Variants in DENND4A observed in about 807,000 individuals in gnomAD.
DENND4A encodes the protein C-myc promoter-binding protein.
Under a neutral mutation model 199.3 loss-of-function variants are expected in DENND4A, and 70 were observed. That is an observed-to-expected ratio of 0.35 (90% CI 0.29 to 0.43). DENND4A has a LOEUF of 0.43. Among genes scored for constraint, DENND4A ranks in the 20% least tolerant of loss-of-function variants. DENND4A has a pLI of 1.00. For missense variants in DENND4A, 1,723 were observed against 2,255.8 expected (o/e 0.76, Z 4.78); for synonymous variants, 686 against 766.9 (o/e 0.89, Z 1.74).
chr15:65,675,697 T>C (rs758419249), intron 24 of DENND4A, among the ~76,000 whole-genome samples: 1 of 152,108 alleles, frequency 6.6e-6, no homozygotes, highest in Non-Finnish European at 1.5e-5. Context: ...TGAAATACAT[T>C]CCTCACCTAT....
At chr15:65,676,912 A>G (rs2076399184) in intron 23 of DENND4A, among the ~76,000 whole-genome samples, 1 of 152,330 alleles carries the variant, frequency 6.6e-6, no homozygotes, top group African/African-American at 2.4e-5. Flanking sequence ...CCATTTATTG[A>G]TAATTTTCCT....
chr15:65,729,537 C>T lies in DENND4A; in HGVS notation c.1308G>A (p.Val436=), dbSNP rs775143650. ...AATAAGAAACTGTGATACTCACAGA[C>T]ACTAATGCTTCTGTCACACTAGTAA... ...SVLTSVTEAL[V]SMIFPFHWPC... is the part of the protein sequence containing the mutation. The change falls in exon 10 of 33, where the codon GTG becomes GTA. Residue 436 remains valine, a synonymous_variant. Transcript: ENST00000443035. The T allele has an allele frequency of 5.6e-6, 9 of 1,607,716 alleles. No individual in the cohort carries two copies. Among genetic ancestry groups the T allele is most frequent in the Non-Finnish European group, 5.9e-6 (7 of 1,177,250 alleles).
At chr15:65,668,207 T>TCA in intron 27 of DENND4A, 84 bp from the exon 28 acceptor site, 1 of 857,374 alleles carries the variant, frequency 1.2e-6, no homozygotes, top group Non-Finnish European at 1.7e-6. Context: ...TCTCTCTCTC[T>TCA]CTCTTTTTTT....
intron 5 of DENND4A, among the ~76,000 whole-genome samples, chr15:65,741,461 A>G (rs759177029): frequency 6.6e-6 from 1 of 152,222 alleles, no homozygotes; most frequent in Non-Finnish European, 1.5e-5. Flanking sequence ...GCTGATTTAA[A>G]AACTTAAAGA....
At chr15:65,725,689 T>TA (rs11392836) in intron 11 of DENND4A, among the ~76,000 whole-genome samples, 44,310 of 121,572 alleles carry the variant, frequency 0.36, 9,412 homozygotes, top group African/African-American at 0.63. Flanking sequence ...AAAATAAAAA[T>TA]AAAAAAAATA....
intron 20 of DENND4A, among the ~76,000 whole-genome samples, chr15:65,698,199 T>C (rs1387401394): frequency 6.6e-6 from 1 of 151,964 alleles, no homozygotes; most frequent in East Asian, 1.9e-4. Context: ...AGCTCAGGAG[T>C]TCAAGGCTGC....
intron 24 of DENND4A, among the ~76,000 whole-genome samples, chr15:65,676,151 T>A (rs1402145290): frequency 5.6e-4 from 81 of 144,864 alleles, no homozygotes; most frequent in African/African-American, 1.4e-3. Flanking sequence ...AATATATATA[T>A]ATATATATAT....
intron 31 of DENND4A, 26 bp downstream of exon 31, chr15:65,664,534 T>TCTGC (rs749548954): frequency 3.1e-6 from 5 of 1,600,174 alleles, no homozygotes; most frequent in Non-Finnish European, 3.4e-6. Flanking sequence ...AGGAGAACAA[T>TCTGC]ATATTCGTCT....
intron 14 of DENND4A, among the ~76,000 whole-genome samples, chr15:65,709,742 A>ATATATATATATAT (rs1596490670): frequency 4.3e-5 from 6 of 140,054 alleles, no homozygotes; most frequent in Non-Finnish European, 7.7e-5. Flanking sequence ...ATATATATAT[A>ATATATATATATAT]ATCTCGTGAC....
chr15:65,747,856 C>A (rs1007831825), intron 4 of DENND4A, among the ~76,000 whole-genome samples: 1 of 151,716 alleles, frequency 6.6e-6, no homozygotes, highest in African/African-American at 2.4e-5. Flanking sequence ...GCCTGACCAA[C>A]GTGGTGAAAC....
intron 4 of DENND4A, among the ~76,000 whole-genome samples, chr15:65,744,405 TGA>T (rs968107829): frequency 2.6e-5 from 4 of 152,168 alleles, no homozygotes; most frequent in Non-Finnish European, 5.9e-5. Flanking sequence ...CACACAAACT[TGA>T]GAGAGGTCAC....
intron 20 of DENND4A, among the ~76,000 whole-genome samples, chr15:65,699,187 C>T (rs778254795): frequency 5.3e-5 from 8 of 152,120 alleles, no homozygotes; most frequent in Non-Finnish European, 1.0e-4. Flanking sequence ...ATGAATATTA[C>T]ATTTCAACAA....
At chr15:65,691,808 A>G (rs1370966771) in intron 22 of DENND4A, among the ~76,000 whole-genome samples, 1 of 152,116 alleles carries the variant, frequency 6.6e-6, no homozygotes, top group Non-Finnish European at 1.5e-5. Context: ...TATAAAGGGT[A>G]TGCTCCTAGA....
At chr15:65,709,993 G>A (rs746654737) in intron 14 of DENND4A, among the ~76,000 whole-genome samples, 7 of 151,422 alleles carry the variant, frequency 4.6e-5, no homozygotes, top group African/African-American at 1.2e-4. Flanking sequence ...TTTCTTTTTC[G>A]AGACTTCTCA....
chr15:65,765,972 C>T (rs188915027), intron 1 of DENND4A, among the ~76,000 whole-genome samples: 74 of 152,188 alleles, frequency 4.9e-4, no homozygotes, highest in African/African-American at 1.6e-3. Context: ...ATGCAGAAGC[C>T]GGGCGCGGTG....
At chr15:65,713,816 TG>T in intron 14 of DENND4A, among the ~76,000 whole-genome samples, 1 of 152,234 alleles carries the variant, frequency 6.6e-6, no homozygotes, top group Non-Finnish European at 1.5e-5. Flanking sequence ...AACCTGGGGC[TG>T]GCCATTTCTC....
rs2077126456 is a variant in DENND4A at position 65,771,549 on chromosome 15, G to C, written c.-101-10111C>G. 8 of 1,612,168 alleles carry C rather than the reference G, an allele frequency of 5.0e-6. No homozygotes were observed. In the East Asian group the frequency reaches 1.3e-4, roughly 27 times the overall value. Reference sequence around the variant, plus strand: ...GACACGAGGATCAATACAATTATGGGCATCAGCTGGATAAACACAGAAAAA... The same window carrying C: ...GACACGAGGATCAATACAATTATGGCCATCAGCTGGATAAACACAGAAAAA... On this transcript the variant is annotated intron_variant, in intron 1 of 32. Transcript: ENST00000443035.
At position 65,742,113 on chromosome 15, in the gene DENND4A, C is replaced by G. The variant is rs1055292185; in HGVS notation, c.562-329G>C. Among the ~76,000 whole-genome samples, 48 of 152,318 alleles carry G rather than the reference C, an allele frequency of 3.2e-4. 1 individual carries two copies. Among genetic ancestry groups the G allele is most frequent in the Admixed American group, 2.6e-4 (4 of 15,302 alleles). ...AATGATAAACTATAAAGTATCTACT[C>G]AAGTGCATACCTTTGACTCCACAAT... is the stretch of plus-strand genomic sequence containing the variant. On this transcript the variant is annotated intron_variant, in intron 4 of 32. Coordinates refer to ENST00000443035, the MANE Select transcript of DENND4A (RefSeq NM_001320835.1).
chr15:65,731,658 A>AAG lies in DENND4A; in HGVS notation c.1148_1149dup (p.Ser384LeufsTer6). 6.4e-7 allele frequency: 1 copy of AAG among 1,561,002 alleles called. No individual in the cohort carries two copies. The highest frequency in any genetic ancestry group is 8.7e-7 in the Non-Finnish European group (1 of 1,150,950). The stretch of plus-strand genomic sequence containing the variant: ...TTTACTTGCCTTAGTGGAAGAGGTG[A>AAG]AGACACAGGCTGACTGAGAATCAGA... On this transcript the variant is annotated frameshift_variant, in exon 9 of 33. Coordinates refer to ENST00000443035, the MANE Select transcript of DENND4A (RefSeq NM_001320835.1). LOFTEE classifies it high-confidence loss of function.
Sources: gnomAD v4.1 joint callset for allele counts (sites outside exome capture counted in the v4.1 genomes callset) on GRCh38, gnomAD v4.1.1 for gene constraint, MANE v1.5 for transcripts, NCBI Gene and HGNC (gene_info 2026-07-23, HGNC 2026-07-21) for gene names.